WASHC3: variants seen among roughly 807,000 people sequenced by gnomAD.
WASHC3 encodes the protein WASH complex subunit CCDC53.
Under a neutral mutation model 26.1 loss-of-function variants are expected in WASHC3, and 24 were observed. The observed-to-expected ratio is 0.92, with a 90% CI of 0.66 to 1.29. The LOEUF is 1.29. Among genes scored for constraint, WASHC3 ranks in the 50% most tolerant of loss-of-function variants. WASHC3 has a pLI of 0.00. For missense variants in WASHC3, 214 were observed against 229.6 expected, an observed-to-expected ratio of 0.93 and a Z score of 0.44; for synonymous variants, 77 against 75.7, an observed-to-expected ratio of 1.02 and a Z score of -0.09.
chr12:102,027,814 A>G (rs1487717088), intron 5 of WASHC3, among the ~76,000 whole-genome samples: 1 of 152,174 alleles, frequency 6.6e-6, no homozygotes, highest in Non-Finnish European at 1.5e-5. Flanking sequence ...GCCCATTTAT[A>G]TACTTATCTT....
chr12:102,041,287 G>T (rs1877928265), intron 4 of WASHC3, among the ~76,000 whole-genome samples: 2 of 151,924 alleles, frequency 1.3e-5, no homozygotes, highest in Admixed American at 1.3e-4. Flanking sequence ...ATCCTGGCCA[G>T]ATATCAATTC....
At chr12:102,027,330 G>A (rs1045007587) in intron 5 of WASHC3, among the ~76,000 whole-genome samples, 5 of 152,080 alleles carry the variant, frequency 3.3e-5, no homozygotes, top group Admixed American at 3.3e-4. Context: ...AAACTTTTAA[G>A]TATATGCTTG....
intron 5 of WASHC3, among the ~76,000 whole-genome samples, chr12:102,039,097 C>T (rs1228595047): frequency 2.0e-5 from 3 of 149,536 alleles, no homozygotes; most frequent in Non-Finnish European, 4.4e-5. Flanking sequence ...GTAGCTGGCA[C>T]TACCAGGTGC....
At chr12:102,059,837 T>C (rs1878733591) in intron 2 of WASHC3, 1 of 152,222 alleles carries the variant, frequency 6.6e-6, no homozygotes, top group African/African-American at 2.4e-5. Flanking sequence ...CTGGTTTTTA[T>C]TCAGTCAATT....
At chr12:102,014,919 ATTT>A (rs1876632785) in intron 6 of WASHC3, among the ~76,000 whole-genome samples, 1 of 152,240 alleles carries the variant, frequency 6.6e-6, no homozygotes, top group Admixed American at 6.5e-5. Context: ...AGTGGGAATT[ATTT>A]TAATACCACA....
At chr12:102,028,871 A>T (rs1380459945) in intron 5 of WASHC3, among the ~76,000 whole-genome samples, 1 of 151,898 alleles carries the variant, frequency 6.6e-6, no homozygotes, top group Non-Finnish European at 1.5e-5. Flanking sequence ...CTAAACCTGT[A>T]AGCTCCAAAT....
At chr12:102,018,167 TTC>T (rs1876790901) in intron 6 of WASHC3, among the ~76,000 whole-genome samples, 5 of 152,220 alleles carry the variant, frequency 3.3e-5, no homozygotes, top group African/African-American at 1.2e-4. Flanking sequence ...CTGAGTAATA[TTC>T]CACCGTATGT....
At chr12:102,058,778 A>T (rs1878690365) in intron 2 of WASHC3, among the ~76,000 whole-genome samples, 1 of 152,210 alleles carries the variant, frequency 6.6e-6, no homozygotes, top group African/African-American at 2.4e-5. Flanking sequence ...CATTATTCAC[A>T]ATAGCCAAGA....
intron 3 of WASHC3, among the ~76,000 whole-genome samples, chr12:102,044,767 A>G (rs1161460064): frequency 6.6e-6 from 1 of 152,120 alleles, no homozygotes; most frequent in African/African-American, 2.4e-5. Context: ...TTATTAAAAT[A>G]TGTTTCTTCT....
intron 6 of WASHC3, among the ~76,000 whole-genome samples, chr12:102,015,162 A>C (rs1293885402): frequency 6.6e-6 from 1 of 152,136 alleles, no homozygotes; most frequent in East Asian, 1.9e-4. Context: ...GAAATTAGCC[A>C]GTAGTGGCCT....
chr12:102,051,748 A>C (rs987148788), intron 2 of WASHC3, among the ~76,000 whole-genome samples: 2 of 152,240 alleles, frequency 1.3e-5, no homozygotes, highest in East Asian at 3.8e-4. Context: ...TGAATGACTA[A>C]GCAAATGATT....
chr12:102,025,953 T>G (rs761494048), intron 6 of WASHC3, 21 bp downstream of exon 6: 2 of 1,160,280 alleles, frequency 1.7e-6, no homozygotes, highest in African/African-American at 1.5e-5. Flanking sequence ...ATAATATCAT[T>G]ATATTAGAAG....
At chr12:102,060,697 T>A (rs1467791333) in intron 2 of WASHC3, among the ~76,000 whole-genome samples, 1 of 152,192 alleles carries the variant, frequency 6.6e-6, no homozygotes, top group Non-Finnish European at 1.5e-5. Context: ...GGCTCACGCC[T>A]GTAATCCCAG....
intron 5 of WASHC3, 63 bp from the exon 6 acceptor site, chr12:102,026,101 C>T (rs1228704470): frequency 2.3e-6 from 2 of 863,302 alleles, no homozygotes; most frequent in Non-Finnish European, 3.6e-6. Context: ...TCGACACATA[C>T]CATCTAAAAC....
intron 5 of WASHC3, among the ~76,000 whole-genome samples, chr12:102,033,127 G>T (rs952432474): frequency 1.3e-5 from 2 of 151,300 alleles, no homozygotes; most frequent in Non-Finnish European, 2.9e-5. Context: ...CATTCCAGGC[G>T]ATAGTTAGTA....
At chr12:102,043,627 A>G (rs936444462) in intron 4 of WASHC3, 2 of 152,428 alleles carry the variant, frequency 1.3e-5, no homozygotes, top group Non-Finnish European at 2.9e-5. Context: ...ATGTTACAAA[A>G]GAAAATGTCA....
chr12:102,013,277 A>G (rs1327584902), intron 6 of WASHC3, 85 bp from the exon 7 acceptor site: 1 of 686,276 alleles, frequency 1.5e-6, no homozygotes, highest in Non-Finnish European at 2.5e-6. Flanking sequence ...TCATCTTAGA[A>G]TATTGCTGCT....
intron 2 of WASHC3, among the ~76,000 whole-genome samples, chr12:102,059,102 G>T (rs1878705848): frequency 6.6e-6 from 1 of 152,042 alleles, no homozygotes. Context: ...TTAGGCAGGA[G>T]GAATAAGTTC....
At chr12:102,059,492 G>A (rs1878721572) in intron 2 of WASHC3, among the ~76,000 whole-genome samples, 1 of 151,942 alleles carries the variant, frequency 6.6e-6, no homozygotes. Context: ...AACAGGAGGA[G>A]GTTAAAGAGT....
Sources: gnomAD v4.1 joint callset for allele counts (sites outside exome capture counted in the v4.1 genomes callset) on GRCh38, gnomAD v4.1.1 for gene constraint, MANE v1.5 for transcripts, NCBI Gene and HGNC (gene_info 2026-07-23, HGNC 2026-07-21) for gene names.